DNAH12: variants seen among roughly 807,000 people sequenced by gnomAD.
DNAH12 encodes axonemal beta dynein heavy chain 12.
DNAH12 carries 285 observed loss-of-function variants against 371.5 expected under a neutral mutation model. The ratio of observed to expected loss-of-function variants is 0.77; its 90% CI spans 0.70 to 0.85. The LOEUF (loss-of-function observed/expected upper bound fraction) is 0.85, where lower values mean the gene tolerates loss of function less well. Ranked by LOEUF, DNAH12 falls within the 40% of genes least tolerant of loss-of-function variation. The pLI is 0.00. For synonymous variants in DNAH12, 1,200 were observed against 1,213.0 expected, an observed-to-expected ratio of 0.99 and a Z score of 0.22; for missense variants, 3,611 against 3,689.4, an observed-to-expected ratio of 0.98 and a Z score of 0.55.
At chr3:57,521,783 A>T (rs1055439968) in intron 4 of DNAH12, among the ~76,000 whole-genome samples, 2 of 152,080 alleles carry the variant, frequency 1.3e-5, no homozygotes, top group African/African-American at 4.8e-5. Context: ...GCTACTCAGG[A>T]GGCTGAGGCA....
chr3:57,439,494 T>C (rs986426640), intron 29 of DNAH12, among the ~76,000 whole-genome samples: 4 of 152,172 alleles, frequency 2.6e-5, no homozygotes, highest in Non-Finnish European at 5.9e-5. Context: ...GTTAGCCATA[T>C]ATAGAAGAAT....
chr3:57,347,461 A>C (rs1370277710), intron 60 of DNAH12, among the ~76,000 whole-genome samples: 1 of 152,182 alleles, frequency 6.6e-6, no homozygotes, highest in Non-Finnish European at 1.5e-5. Context: ...CACACCTGCA[A>C]TCCCAGCATT....
At position 57,446,662 on chromosome 3, in the gene DNAH12, C is replaced by T; in HGVS notation, c.3814G>A (p.Gly1272Ser). 1 of 1,530,298 alleles carries T rather than the reference C, an allele frequency of 6.5e-7. No individual in the cohort carries two copies. The highest frequency in any genetic ancestry group is 8.8e-7 in the Non-Finnish European group (1 of 1,138,788). 94.8% of individuals were successfully genotyped at this position (1,530,298 alleles called of 1,614,324 possible). ...GTGCCTGCTGGCCCCTCTGGAGCAC[C>T]TCCAAGGTTTAAATAGAAAGCACCT... The part of the protein sequence containing the change: ...LIGAFYLNLG[G>S]APEGPAGTGK... Residue 1272 changes from glycine to serine, a missense_variant, in exon 26 of 74, where the codon GGT becomes AGT. Coordinates refer to ENST00000495027, the MANE Select transcript of DNAH12 (RefSeq NM_001366028.2).
At position 57,523,674 on chromosome 3, in the gene DNAH12, T is replaced by A. The variant is rs1190687353; in HGVS notation, c.253-65A>T. 6 of 1,328,734 alleles carry A rather than the reference T, an allele frequency of 4.5e-6. No individual in the cohort carries two copies. The African/African-American group carries it at 9.1e-5, about 20-fold the overall frequency. The allele number at this position is 1,328,734 out of a possible 1,614,324, so 82.3% of individuals were successfully genotyped here. On this transcript the variant is annotated intron_variant, in intron 3 of 73. Coordinates refer to ENST00000495027, the MANE Select transcript of DNAH12 (RefSeq NM_001366028.2). ...CATTTTAAAATTAATTTAAATTGTT[T>A]AAAAATTAAATATATAGTTTAAATA...
chr3:57,337,826 A>G (rs1380108993), intron 60 of DNAH12, among the ~76,000 whole-genome samples: 1 of 152,230 alleles, frequency 6.6e-6, no homozygotes, highest in African/African-American at 2.4e-5. Context: ...ATCTAGACAG[A>G]AAGTCAACAA....
intron 60 of DNAH12, among the ~76,000 whole-genome samples, chr3:57,342,105 A>C (rs1297651737): frequency 1.3e-5 from 2 of 152,164 alleles, no homozygotes; most frequent in African/African-American, 4.8e-5. Flanking sequence ...TATTCTACAC[A>C]AAAATCAACT....
Position 57,411,427 on chromosome 3 carries a change from C to G in DNAH12, c.6020+2319G>C, listed in dbSNP as rs1306829147. ...CCTGTAATCCCAGCTACTTGGGAGG[C>G]TGAGGCAGGAGAATCTCTTGAACCC... is the stretch of plus-strand genomic sequence containing the variant. On this transcript the variant is annotated intron_variant, in intron 39 of 73. Coordinates refer to ENST00000495027, the MANE Select transcript of DNAH12 (RefSeq NM_001366028.2). Among the ~76,000 whole-genome samples the G allele has an allele frequency of 2.1e-5, 3 of 145,414 alleles. No individual in the cohort carries two copies. In the East Asian group the frequency reaches 6.2e-4, roughly 30 times the overall value.
chr3:57,298,503 G>C (rs1312873255), intron 70 of DNAH12, among the ~76,000 whole-genome samples: 2 of 152,184 alleles, frequency 1.3e-5, no homozygotes, highest in African/African-American at 4.8e-5. Flanking sequence ...GTTACCTGAA[G>C]CCACTTTAGC....
At chr3:57,327,082 GAGACTT>G (rs2061967094) in intron 62 of DNAH12, among the ~76,000 whole-genome samples, 2 of 151,498 alleles carry the variant, frequency 1.3e-5, no homozygotes, top group South Asian at 4.2e-4. Flanking sequence ...GACCTACAAA[GAGACTT>G]AGACTCCCAC....
In DNAH12 at chr3:57,446,627, G is replaced by A. The variant is rs562284843; in HGVS notation, c.3849C>T (p.Thr1283=). ...CTTTAGCCAAGTCCTTGGTGGTTTC[G>A]GTTTTTCCTGTGCCTGCTGGCCCCT... ...APEGPAGTGK[T]ETTKDLAKAL... The change falls in exon 26 of 74, where the codon ACC becomes ACT. Residue 1283 remains threonine (T), a synonymous_variant. Coordinates refer to ENST00000495027, the MANE Select transcript of DNAH12 (RefSeq NM_001366028.2). 2.3e-5 allele frequency: 36 copies of A among 1,549,668 alleles called. No individual in the cohort carries two copies. Among genetic ancestry groups the A allele is most frequent in the Non-Finnish European group, 3.1e-5 (35 of 1,145,918 alleles).
intron 11 of DNAH12, among the ~76,000 whole-genome samples, chr3:57,496,695 G>A (rs530691131): frequency 2.2e-4 from 33 of 152,264 alleles, no homozygotes; most frequent in African/African-American, 3.9e-4. Context: ...ATGGCCAGGC[G>A]CAGTGGCTCA....
chr3:57,553,910 T>G, the DNAH12 span, among the ~76,000 whole-genome samples: 2 of 150,608 alleles, frequency 1.3e-5, no homozygotes, highest in African/African-American at 4.9e-5. Context: ...CTGCAACCTC[T>G]GCCTCCCAGG....
chr3:57,406,642 G>A (rs1390461130), intron 40 of DNAH12, among the ~76,000 whole-genome samples: 1 of 152,160 alleles, frequency 6.6e-6, no homozygotes, highest in East Asian at 1.9e-4. Flanking sequence ...GATAACTCAT[G>A]CTGAATCATT....
At chr3:57,404,561 CA>C (rs1186490372) in intron 42 of DNAH12, among the ~76,000 whole-genome samples, 7 of 150,650 alleles carry the variant, frequency 4.6e-5, no homozygotes, top group Admixed American at 1.3e-4. Flanking sequence ...ACTAAAAATA[CA>C]AAAAAAAATT....
At chr3:57,403,215 A>C in intron 43 of DNAH12, 94 bp downstream of exon 43, 1 of 1,201,448 alleles carries the variant, frequency 8.3e-7, no homozygotes. Flanking sequence ...TCATCACTGG[A>C]GTTCAGTACA....
At position 57,421,652 on chromosome 3, in the gene DNAH12, C is replaced by A. The variant is rs780682733; in HGVS notation, c.5428G>T (p.Gly1810Cys). The A allele has an allele frequency of 1.2e-4, 188 of 1,551,440 alleles. No homozygotes were observed. Among genetic ancestry groups the A allele is most frequent in the Non-Finnish European group, 1.6e-4 (179 of 1,146,984 alleles). ...ATGAAAGTATCAAAAACACGACGGC[C>A]ATCTGTATCACAACTTCCTCCAATC... is the stretch of plus-strand genomic sequence containing the variant. Reference protein sequence around the residue: ...WSIGGSCDTDGRRVFDTFIRL... With the variant: ...WSIGGSCDTDCRRVFDTFIRL... The change falls in exon 36 of 74, where the codon GGC becomes TGC. Residue 1810 changes from glycine to cysteine, a missense_variant. Gly to Cys is a radical substitution (Grantham distance 159). Around this residue, in one of 3 missense-constraint regions of DNAH12, gnomAD observed 2,266 missense variants for 2,236.9 expected, o/e 1.01. Transcript: ENST00000495027.
intron 16 of DNAH12, among the ~76,000 whole-genome samples, chr3:57,469,529 T>G (rs7636086): frequency 0.18 from 26,828 of 152,146 alleles, 2,732 homozygotes; most frequent in African/African-American, 0.29. Context: ...ACACATGTAC[T>G]CGTCTGTTCA....
At chr3:57,530,388 A>T in intron 2 of DNAH12, 1 of 533,700 alleles carries the variant, frequency 1.9e-6, no homozygotes, top group South Asian at 3.0e-5. Context: ...ATAAAACTCC[A>T]ACTCCCAGGC....
At chr3:57,305,517 G>A (rs1162274528) in intron 69 of DNAH12, among the ~76,000 whole-genome samples, 2 of 152,066 alleles carry the variant, frequency 1.3e-5, no homozygotes, top group African/African-American at 4.8e-5. Context: ...AAGGTGGCTG[G>A]AGCTAAAGAC....
Sources: allele counts gnomAD v4.1 joint callset (sites outside exome capture counted in the v4.1 genomes callset), GRCh38; gene constraint gnomAD v4.1.1; regional missense constraint gnomAD v4.1.1; transcripts MANE v1.5; gene names NCBI Gene and HGNC (gene_info 2026-07-23, HGNC 2026-07-21).